Variants in STXBP5 observed in about 807,000 individuals in gnomAD.
STXBP5 encodes the protein syntaxin binding protein 5, also known as syntaxin-binding protein 5.
STXBP5 carries 50 observed loss-of-function variants against 152.4 expected under a neutral mutation model. The observed-to-expected ratio is 0.33, with a 90% CI of 0.26 to 0.42. The LOEUF is 0.42. Ranked by LOEUF, STXBP5 falls within the 10% of genes least tolerant of loss-of-function variation. The pLI, the probability that STXBP5 is intolerant of heterozygous loss-of-function variation, is 1.00. For synonymous variants in STXBP5, 492 were observed against 494.7 expected (o/e 0.99, Z 0.07); for missense variants, 1,167 against 1,388.6 (o/e 0.84, Z 2.54).
At chr6:147,252,402 A>G (rs917263194) in intron 4 of STXBP5, among the ~76,000 whole-genome samples, 1 of 152,090 alleles carries the variant, frequency 6.6e-6, no homozygotes, top group Non-Finnish European at 1.5e-5. Context: ...GATAGAGCTG[A>G]AAAGCACAGC....
chr6:147,270,872 A>G (rs1283723665), intron 7 of STXBP5, among the ~76,000 whole-genome samples: 4 of 152,230 alleles, frequency 2.6e-5, no homozygotes, highest in African/African-American at 4.8e-5. Context: ...ACAGAGGACC[A>G]TTAATAGATT....
rs1491321309 is a variant in STXBP5 at position 147,245,011 on chromosome 6, T to TTTA, written c.431+5741_431+5742insTTA. ...GCTTTTTTTTTTTTTTTTTTTTTTT[T>TTTA]AGAGGGAATCTTGGTCTGTTGCCCA... is the stretch of plus-strand genomic sequence containing the variant. On this transcript the variant is annotated intron_variant, in intron 4 of 27. Coordinates refer to ENST00000321680, the MANE Select transcript of STXBP5 (RefSeq NM_001127715.4). Among the ~76,000 whole-genome samples, 680 of 143,062 alleles carry TTTA rather than the reference T, an allele frequency of 4.8e-3. 7 individuals carry two copies. Among genetic ancestry groups the TTTA allele is most frequent in the African/African-American group, 0.017 (637 of 36,566 alleles). 93.9% of individuals were successfully genotyped at this position (143,062 alleles called of 152,430 possible). A position where few individuals can be genotyped will look rare whatever the true frequency, so the allele number is the denominator to read the frequency against.
intron 16 of STXBP5, among the ~76,000 whole-genome samples, chr6:147,324,280 T>TG (rs1202149187): frequency 2.3e-5 from 3 of 132,776 alleles, no homozygotes; most frequent in African/African-American, 8.6e-5. Context: ...TTTTTTTTTT[T>TG]TTTTTTTTTG....
At position 147,363,582 on chromosome 6, in the gene STXBP5, G is replaced by T. The variant is rs767427616; in HGVS notation, c.2793G>T (p.Gln931His). 2 of 1,614,168 alleles carry T rather than the reference G, an allele frequency of 1.2e-6. No individual in the cohort carries two copies. The highest frequency in any genetic ancestry group is 2.2e-5 in the South Asian group (2 of 91,084). Residue 931 changes from glutamine (Q) to histidine (H), a missense_variant, in exon 24 of 28, where the codon CAG becomes CAT. By Grantham distance (24) the Gln-to-His change is conservative (BLOSUM62 0). Transcript: ENST00000321680. ...KQAKVISLPT[Q>H]NCAYKQNITE... ...CAAAAGTAATCTCACTGCCAACCCA[G>T]AACTGTGCTTATAAGCAAAATATTA...
At chr6:147,372,461 G>A (rs1286039413) in intron 25 of STXBP5, among the ~76,000 whole-genome samples, 2 of 49,694 alleles carry the variant, frequency 4.0e-5, no homozygotes, top group Non-Finnish European at 8.0e-5. Flanking sequence ...TTTTTTTTGA[G>A]ACAGATTCTT....
chr6:147,334,957 G>T (rs1783754805), intron 19 of STXBP5, among the ~76,000 whole-genome samples: 1 of 152,020 alleles, frequency 6.6e-6, no homozygotes, highest in African/African-American at 2.4e-5. Context: ...AGAAACAATT[G>T]TAAGAATGGG....
rs1776444717 is a variant in STXBP5, at chr6:147,204,677, T to C, written c.145T>C (p.Cys49Arg). The C allele has an allele frequency of 3.1e-6, 5 of 1,587,888 alleles. No individual in the cohort carries two copies. Among genetic ancestry groups the C allele is most frequent in the Non-Finnish European group, 4.3e-6 (5 of 1,166,460 alleles). ...ETLQSEHFQL[C>R]KTVRHGFPYQ... Reference sequence around the variant, plus strand: ...GCTCCAGTCCGAGCACTTTCAGCTCTGCAAGGTGAACGGAGCGCGCAGCCC... The same window carrying C: ...GCTCCAGTCCGAGCACTTTCAGCTCCGCAAGGTGAACGGAGCGCGCAGCCC... Residue 49 changes from cysteine (C) to arginine (R), a missense_variant, in exon 1 of 28, where the codon TGC (cysteine) becomes CGC (arginine). Cys to Arg is a radical substitution (Grantham distance 180, BLOSUM62 -3). This residue lies in a region of STXBP5 where 310 missense variants were observed against 346.1 expected (regional missense o/e 0.90). Transcript: ENST00000321680. This position sits in a 1 kb window ranked among gnomAD's most constrained non-coding sequence, Gnocchi z 4.3.
In STXBP5 at chr6:147,314,188, C is replaced by CACACACAT. The variant is rs1438297082; in HGVS notation, c.1294-69_1294-68insTACACACA. ...TGTTTTTCACTGGATTATTTACACA[C>CACACACAT]ACACACACACACACACACACACGGA... On this transcript the variant is annotated intron_variant, in intron 12 of 27. Coordinates refer to ENST00000321680, the MANE Select transcript of STXBP5 (RefSeq NM_001127715.4). The CACACACAT allele has an allele frequency of 1.4e-5, 18 of 1,326,514 alleles. No homozygotes were observed. The African/African-American group carries it at 1.7e-4, about 12-fold the overall frequency. 82.2% of individuals were successfully genotyped at this position (1,326,514 alleles called of 1,614,324 possible).
At chr6:147,353,206 A>G (rs1784666355) in intron 21 of STXBP5, 117 bp from the exon 22 acceptor site, 2 of 605,988 alleles carry the variant, frequency 3.3e-6, no homozygotes, top group Non-Finnish European at 5.5e-6. Flanking sequence ...CTCATCTTTT[A>G]TTTATCTCGG....
At chr6:147,205,493 G>T (rs535647938) in intron 1 of STXBP5, among the ~76,000 whole-genome samples, 59 of 152,040 alleles carry the variant, frequency 3.9e-4, no homozygotes, top group Middle Eastern at 3.4e-3. Flanking sequence ...AAAATGTTGG[G>T]ATAGAGGTTT....
chr6:147,282,595 A>G (rs9322096), intron 8 of STXBP5, among the ~76,000 whole-genome samples: 2,720 of 152,312 alleles, frequency 0.018, 70 homozygotes, highest in African/African-American at 0.061. Flanking sequence ...TCAGTGGGCC[A>G]TAGATTCTGC....
chr6:147,323,669 GGTGTGA>G (rs1366398139), intron 16 of STXBP5, among the ~76,000 whole-genome samples: 3 of 152,118 alleles, frequency 2.0e-5, no homozygotes, highest in Non-Finnish European at 2.9e-5. Context: ...TCTGATTATA[GGTGTGA>G]GCCACTGCAC....
chr6:147,275,832 C>T (rs1407351445), intron 7 of STXBP5, among the ~76,000 whole-genome samples: 1 of 152,148 alleles, frequency 6.6e-6, no homozygotes. Flanking sequence ...GCTGGGATTA[C>T]AGGCCTGAGC....
At chr6:147,306,833 TC>T (rs1396280660) in intron 9 of STXBP5, among the ~76,000 whole-genome samples, 1 of 152,322 alleles carries the variant, frequency 6.6e-6, no homozygotes, top group East Asian at 1.9e-4. Flanking sequence ...CGTCATGCTG[TC>T]TCACTATCGC....
intron 21 of STXBP5, among the ~76,000 whole-genome samples, chr6:147,343,313 A>G (rs1395085229): frequency 6.6e-6 from 1 of 152,166 alleles, no homozygotes; most frequent in Non-Finnish European, 1.5e-5. Flanking sequence ...TTAAATGACA[A>G]TAATGTTCTT....
At chr6:147,329,311 A>T (rs1359110251) in intron 18 of STXBP5, among the ~76,000 whole-genome samples, 1 of 147,998 alleles carries the variant, frequency 6.8e-6, no homozygotes, top group East Asian at 2.0e-4. Flanking sequence ...GGCACAGGAG[A>T]ACTATTTGAG....
intron 16 of STXBP5, among the ~76,000 whole-genome samples, chr6:147,320,859 C>T (rs1262790105): frequency 6.6e-6 from 1 of 151,754 alleles, no homozygotes; most frequent in Non-Finnish European, 1.5e-5. Context: ...TAGAGAAAAC[C>T]CAAGAACAAG....
chr6:147,248,080 G>A (rs1213189746), intron 4 of STXBP5, among the ~76,000 whole-genome samples: 7 of 152,090 alleles, frequency 4.6e-5, no homozygotes. Flanking sequence ...AGGAGTTCAA[G>A]ACGAGCCTGG....
intron 6 of STXBP5, among the ~76,000 whole-genome samples, chr6:147,264,063 T>C (rs970573230): frequency 1.3e-5 from 2 of 151,184 alleles, no homozygotes; most frequent in Non-Finnish European, 3.0e-5. Flanking sequence ...ATAATGAGGA[T>C]GGAGTAAATA....
Sources: allele counts gnomAD v4.1 joint callset (sites outside exome capture counted in the v4.1 genomes callset), GRCh38; gene constraint gnomAD v4.1.1; regional missense constraint gnomAD v4.1.1; non-coding constraint Gnocchi (gnomAD v3.1); transcripts MANE v1.5; gene names NCBI Gene and HGNC (gene_info 2026-07-23, HGNC 2026-07-21).